ARHGAP15: variants seen among roughly 807,000 people sequenced by gnomAD.
ARHGAP15 encodes rho GTPase-activating protein 15.
A neutral mutation model predicts 63.7 loss-of-function variants in ARHGAP15; 51 were observed. The observed-to-expected ratio is 0.80, with a 90% confidence interval of 0.64 to 1.01. The LOEUF (loss-of-function observed/expected upper bound fraction) is 1.01, where lower values mean the gene tolerates loss of function less well. Among genes scored for constraint, ARHGAP15 ranks in the 50% least tolerant of loss-of-function variants. The pLI, the probability that ARHGAP15 is intolerant of heterozygous loss-of-function variation, is 0.00. For synonymous variants in ARHGAP15, 191 were observed against 193.8 expected, an observed-to-expected ratio of 0.99 and a Z score of 0.12; for missense variants, 560 against 564.6, an observed-to-expected ratio of 0.99 and a Z score of 0.08.
chr2:143,707,672 T>C (rs1166331722), intron 13 of ARHGAP15, among the ~76,000 whole-genome samples: 1 of 152,208 alleles, frequency 6.6e-6, no homozygotes, highest in Non-Finnish European at 1.5e-5. Context: ...AAATTGTCCA[T>C]GGTAGCACTG....
intron 6 of ARHGAP15, among the ~76,000 whole-genome samples, chr2:143,422,984 G>A (rs1688991736): frequency 6.6e-6 from 1 of 152,132 alleles, no homozygotes; most frequent in South Asian, 2.1e-4. Flanking sequence ...TTGGGTTATA[G>A]CAAAGGTCTT....
intron 6 of ARHGAP15, among the ~76,000 whole-genome samples, chr2:143,259,031 T>C (rs1261115009): frequency 2.0e-5 from 3 of 151,372 alleles, no homozygotes; most frequent in Non-Finnish European, 2.9e-5. Flanking sequence ...TTTTTTTTTT[T>C]CTTGAAGTTG....
At chr2:143,684,448 T>C (rs1166552177) in intron 12 of ARHGAP15, among the ~76,000 whole-genome samples, 1 of 151,942 alleles carries the variant, frequency 6.6e-6, no homozygotes, top group Non-Finnish European at 1.5e-5. Context: ...GACTCTGAAA[T>C]AGGATGGATC....
At chr2:143,697,377 C>G (rs1250314566) in intron 12 of ARHGAP15, among the ~76,000 whole-genome samples, 1 of 152,150 alleles carries the variant, frequency 6.6e-6, no homozygotes, top group African/African-American at 2.4e-5. Context: ...TAAATGATCA[C>G]TTACTATGTG....
chr2:143,465,062 A>G (rs375666113), intron 8 of ARHGAP15, among the ~76,000 whole-genome samples: 3 of 152,144 alleles, frequency 2.0e-5, no homozygotes, highest in East Asian at 3.8e-4. Flanking sequence ...CAGTCTCTCA[A>G]AATGTTTCTA....
At chr2:143,463,953 A>G (rs912703876) in intron 8 of ARHGAP15, among the ~76,000 whole-genome samples, 2 of 152,094 alleles carry the variant, frequency 1.3e-5, no homozygotes, top group African/African-American at 2.4e-5. Flanking sequence ...TTTCCTCCCC[A>G]GTTCATTCTG....
chr2:143,746,070 A>G (rs561992520), intron 13 of ARHGAP15, among the ~76,000 whole-genome samples: 2 of 152,310 alleles, frequency 1.3e-5, no homozygotes, highest in East Asian at 3.9e-4. Context: ...TTTCCACACA[A>G]TTCTATATGT....
At chr2:143,325,934 A>T (rs934260733) in intron 6 of ARHGAP15, among the ~76,000 whole-genome samples, 8 of 152,166 alleles carry the variant, frequency 5.3e-5, no homozygotes, top group Non-Finnish European at 1.2e-4. Flanking sequence ...CCTTTCCCTA[A>T]ATATTGCCCA....
chr2:143,744,685 T>C (rs903051812), intron 13 of ARHGAP15, among the ~76,000 whole-genome samples: 1 of 152,216 alleles, frequency 6.6e-6, no homozygotes, highest in Non-Finnish European at 1.5e-5. Flanking sequence ...TAATCACTAT[T>C]GCAATAAAAT....
chr2:143,451,056 ATTTG>A (rs1342456205), intron 8 of ARHGAP15, among the ~76,000 whole-genome samples: 1 of 151,896 alleles, frequency 6.6e-6, no homozygotes, highest in Non-Finnish European at 1.5e-5. Flanking sequence ...GATTTGTAGT[ATTTG>A]TTTTGTTCTC....
At chr2:143,134,693 G>C (rs1234641726) in intron 1 of ARHGAP15, among the ~76,000 whole-genome samples, 1 of 149,062 alleles carries the variant, frequency 6.7e-6, no homozygotes, top group Non-Finnish European at 1.5e-5. Context: ...GGAGTGCAGT[G>C]GTGCAATCTC....
chr2:143,766,755 C>T (rs1686958602), intron 13 of ARHGAP15: 1 of 152,156 alleles, frequency 6.6e-6, no homozygotes, highest in African/African-American at 2.4e-5. Context: ...GGAAGAGAAA[C>T]ATGTTCCAAT....
At chr2:143,543,440 A>T (rs1395434385) in intron 10 of ARHGAP15, among the ~76,000 whole-genome samples, 1 of 152,068 alleles carries the variant, frequency 6.6e-6, no homozygotes. Context: ...TACCTTATAC[A>T]TTCTGATGTT....
At chr2:143,452,657 A>ATTAT (rs1690460367) in intron 8 of ARHGAP15, among the ~76,000 whole-genome samples, 1 of 137,024 alleles carries the variant, frequency 7.3e-6, no homozygotes, top group Non-Finnish European at 1.6e-5. Context: ...GCCCCTTTGG[A>ATTAT]TTTTTTTTTT....
At chr2:143,252,949 G>A (rs776987443) in intron 6 of ARHGAP15, among the ~76,000 whole-genome samples, 4 of 152,040 alleles carry the variant, frequency 2.6e-5, no homozygotes, top group Non-Finnish European at 5.9e-5. Flanking sequence ...ATTGTTGGAC[G>A]TTGGAGTGTA....
At position 143,767,991 on chromosome 2, in the gene ARHGAP15, T is replaced by C; in HGVS notation, c.1247T>C (p.Ile416Thr). Reference protein sequence around the residue: ...MKVLFGHLTKIVAKASKNLMS... With the variant: ...MKVLFGHLTKTVAKASKNLMS... ...TTTTTTTTTCTCTCTCTCCACAGGA[T>C]AGTGGCCAAAGCCTCCAAGAACCTC... The change falls in exon 14 of 14, where the codon ATA becomes ACA. Residue 416 changes from isoleucine (I) to threonine (T), a missense_variant and splice_region_variant. Ile to Thr is a moderately conservative substitution (Grantham distance 89). Transcript: ENST00000295095. 1 of 1,613,418 alleles carries C rather than the reference T, an allele frequency of 6.2e-7. No individual in the cohort carries two copies. Among genetic ancestry groups the C allele is most frequent in the Non-Finnish European group, 8.5e-7 (1 of 1,179,588 alleles).
intron 11 of ARHGAP15, among the ~76,000 whole-genome samples, chr2:143,612,314 T>C (rs1698287808): frequency 6.6e-6 from 1 of 152,200 alleles, no homozygotes; most frequent in Non-Finnish European, 1.5e-5. Flanking sequence ...GGAGGACTTG[T>C]TAAATCATAG....
intron 6 of ARHGAP15, among the ~76,000 whole-genome samples, chr2:143,433,629 T>C (rs565166799): frequency 1.8e-4 from 27 of 152,242 alleles, no homozygotes; most frequent in African/African-American, 6.0e-4. Flanking sequence ...AAAGTACTTA[T>C]ATTTTATCAC....
chr2:143,519,164 C>A, intron 9 of ARHGAP15, 102 bp from the exon 10 acceptor site: 1 of 856,654 alleles, frequency 1.2e-6, no homozygotes. Context: ...AAATCTTATG[C>A]AAGATGAAGA....
Sources: allele counts gnomAD v4.1 joint callset (sites outside exome capture counted in the v4.1 genomes callset), GRCh38; gene constraint gnomAD v4.1.1; transcripts MANE v1.5; gene names NCBI Gene and HGNC (gene_info 2026-07-23, HGNC 2026-07-21).